Variants in GRID2 observed in about 807,000 individuals in gnomAD.
GRID2 encodes the protein glutamate receptor ionotropic, delta-2.
A neutral mutation model predicts 114.8 loss-of-function variants in GRID2; 33 were observed. The observed-to-expected ratio is 0.29, with a 90% CI of 0.22 to 0.38. The LOEUF (loss-of-function observed/expected upper bound fraction) is 0.38, where lower values mean the gene tolerates loss of function less well. GRID2 is among the 10% of genes least tolerant of loss of function. The pLI is 1.00. For synonymous variants in GRID2, 505 were observed against 449.9 expected, an observed-to-expected ratio of 1.12 and a Z score of -1.55; for missense variants, 1,184 against 1,257.7, an observed-to-expected ratio of 0.94 and a Z score of 0.89.
At chr4:93,498,838 T>A (rs1027191261) in intron 12 of GRID2, among the ~76,000 whole-genome samples, 1 of 151,940 alleles carries the variant, frequency 6.6e-6, no homozygotes, top group African/African-American at 2.4e-5. Flanking sequence ...TGAGAGTGAA[T>A]ATCTCTGCTT....
chr4:93,485,532 T>G (rs1041722802), intron 11 of GRID2, among the ~76,000 whole-genome samples: 2 of 151,788 alleles, frequency 1.3e-5, no homozygotes, highest in Admixed American at 1.3e-4. Flanking sequence ...ATCTATAGGC[T>G]GCATGGTATT....
intron 2 of GRID2, among the ~76,000 whole-genome samples, chr4:92,695,609 C>T (rs563139082): frequency 1.8e-4 from 28 of 152,158 alleles, no homozygotes; most frequent in African/African-American, 6.7e-4. Flanking sequence ...AAAGTAGCAT[C>T]TGAGGAACAA....
In GRID2 at chr4:93,232,940, A is replaced by G. The variant is rs76547398; in HGVS notation, c.1126-5431A>G. On this transcript the variant is annotated intron_variant, in intron 7 of 15. Transcript: ENST00000282020. ...AGGAAGGAAAATAGAAATATCAAAA[A>G]TAATTACAAGCATGATTTGTTCTAC... Among the ~76,000 whole-genome samples the G allele has an allele frequency of 1.1e-4, 16 of 152,330 alleles. No homozygotes were observed. The East Asian group carries it at 3.1e-3, about 29-fold the overall frequency.
At chr4:92,386,036 T>C (rs1729945943) in intron 1 of GRID2, among the ~76,000 whole-genome samples, 2 of 151,552 alleles carry the variant, frequency 1.3e-5, no homozygotes, top group South Asian at 4.2e-4. Flanking sequence ...TGCTTTGTGA[T>C]TTGACAATTA....
intron 11 of GRID2, among the ~76,000 whole-genome samples, chr4:93,490,258 G>A (rs1470821323): frequency 1.3e-5 from 2 of 151,700 alleles, no homozygotes; most frequent in African/African-American, 4.8e-5. Context: ...TTATTTAACT[G>A]GAAATCTGAA....
rs773664304 is a variant in GRID2 at position 92,603,023 on chromosome 4, A to G, written c.244+12737A>G. Among the ~76,000 whole-genome samples, 42 of 152,206 alleles carry G rather than the reference A, an allele frequency of 2.8e-4. 1 individual carries two copies. The highest frequency in any genetic ancestry group is 5.2e-4 in the Admixed American group (8 of 15,272). On this transcript the variant is annotated intron_variant, in intron 2 of 15. Coordinates refer to ENST00000282020, the MANE Select transcript of GRID2 (RefSeq NM_001510.4). ...GTGAAGGACCTCTTCAAGGAGAACTACAAACCACTGCTCAAAGAAATCAGA... is the reference window on the plus strand; with the variant it reads ...GTGAAGGACCTCTTCAAGGAGAACTGCAAACCACTGCTCAAAGAAATCAGA...
At chr4:92,819,879 A>C (rs1304661170) in intron 2 of GRID2, among the ~76,000 whole-genome samples, 1 of 152,142 alleles carries the variant, frequency 6.6e-6, no homozygotes, top group Non-Finnish European at 1.5e-5. Flanking sequence ...AAATGATAAA[A>C]GTCTGTCTTG....
intron 1 of GRID2, among the ~76,000 whole-genome samples, chr4:93,805,377 T>A (rs924738432): frequency 6.6e-6 from 1 of 152,238 alleles, no homozygotes; most frequent in Non-Finnish European, 1.5e-5. Context: ...ATGAGAAAAC[T>A]GTTTTTGAAA....
intron 1 of GRID2, among the ~76,000 whole-genome samples, chr4:92,512,698 G>A (rs1724316354): frequency 6.6e-6 from 1 of 151,682 alleles, no homozygotes; most frequent in African/African-American, 2.4e-5. Context: ...CCTTAGTTCT[G>A]TGTGTTTTCA....
chr4:92,942,457 G>A (rs959913226), intron 2 of GRID2, among the ~76,000 whole-genome samples: 1 of 152,058 alleles, frequency 6.6e-6, no homozygotes, highest in Non-Finnish European at 1.5e-5. Flanking sequence ...TTGAGCCTGT[G>A]TGTGTCTCTG....
chr4:92,802,348 A>G (rs75551377), intron 2 of GRID2, among the ~76,000 whole-genome samples: 3,496 of 152,018 alleles, frequency 0.023, 96 homozygotes, highest in East Asian at 0.12. Flanking sequence ...GGTTTTATAC[A>G]TTCTAGTGGC....
At chr4:93,663,137 T>C (rs1470522544) in intron 14 of GRID2, among the ~76,000 whole-genome samples, 1 of 152,182 alleles carries the variant, frequency 6.6e-6, no homozygotes, top group African/African-American at 2.4e-5. Context: ...CATCAGTGGT[T>C]CTCTCATGCT....
At chr4:92,782,288 A>G (rs1028212582) in intron 2 of GRID2, among the ~76,000 whole-genome samples, 1 of 152,076 alleles carries the variant, frequency 6.6e-6, no homozygotes, top group Non-Finnish European at 1.5e-5. Context: ...TGTATCATTA[A>G]TATAATACTT....
At chr4:92,959,181 C>T (rs1052177032) in intron 2 of GRID2, among the ~76,000 whole-genome samples, 1 of 146,780 alleles carries the variant, frequency 6.8e-6, no homozygotes, top group Non-Finnish European at 1.5e-5. Context: ...CTGTTTTCTA[C>T]TCCATTGATT....
At chr4:93,247,350 C>G (rs901659523) in intron 8 of GRID2, among the ~76,000 whole-genome samples, 3 of 152,096 alleles carry the variant, frequency 2.0e-5, no homozygotes, top group African/African-American at 7.2e-5. Flanking sequence ...AATTGGCGTA[C>G]TGGGTAAAGA....
intron 2 of GRID2, among the ~76,000 whole-genome samples, chr4:92,976,390 TACAGAG>T: frequency 1.3e-5 from 2 of 152,230 alleles, no homozygotes; most frequent in South Asian, 4.1e-4. Context: ...AATAGTGAGA[TACAGAG>T]ACAGATACAC....
intron 1 of GRID2, among the ~76,000 whole-genome samples, chr4:92,439,292 G>A (rs958822005): frequency 2.5e-4 from 38 of 152,174 alleles, no homozygotes; most frequent in African/African-American, 8.4e-4. Flanking sequence ...AGTTAAGGTG[G>A]GGCAGGGCAT....
chr4:93,056,717 A>G (rs1727282030), intron 2 of GRID2, among the ~76,000 whole-genome samples: 1 of 151,932 alleles, frequency 6.6e-6, no homozygotes, highest in African/African-American at 2.4e-5. Flanking sequence ...ATTGATTTCA[A>G]ACTATTGGGT....
chr4:93,429,551 G>A (rs1297994228), intron 10 of GRID2, among the ~76,000 whole-genome samples: 1 of 152,116 alleles, frequency 6.6e-6, no homozygotes, highest in Non-Finnish European at 1.5e-5. Flanking sequence ...AATTTTACCT[G>A]AGCGTTTCCA....
Sources: gnomAD v4.1 joint callset for allele counts (sites outside exome capture counted in the v4.1 genomes callset) on GRCh38, gnomAD v4.1.1 for gene constraint, MANE v1.5 for transcripts, NCBI Gene and HGNC (gene_info 2026-07-23, HGNC 2026-07-21) for gene names.